Variants in MYOM2 observed in about 807,000 individuals in gnomAD.
MYOM2 encodes the protein myomesin-2.
MYOM2 carries 254 observed loss-of-function variants against 187.6 expected under a neutral mutation model. The observed-to-expected ratio is 1.35, with a 90% CI of 1.22 to 1.50. MYOM2 has a LOEUF of 1.50. MYOM2 is among the 40% of genes most tolerant of loss of function. The pLI is 0.00. For missense variants in MYOM2, 2,796 were observed against 1,924.0 expected (o/e 1.45, Z -8.48); for synonymous variants, 981 against 753.8 (o/e 1.30, Z -4.94).
intron 1 of MYOM2, 150 bp from the exon 2 acceptor site, chr8:2,050,605 G>C: frequency 1.9e-6 from 1 of 539,608 alleles, no homozygotes; most frequent in South Asian, 2.8e-5. Context: ...GGTCTAAGGT[G>C]ATTTCTGGCC....
At chr8:2,106,932 C>T (rs941358205) in intron 23 of MYOM2, among the ~76,000 whole-genome samples, 3 of 152,090 alleles carry the variant, frequency 2.0e-5, no homozygotes, top group Admixed American at 6.5e-5. Context: ...GAGAGACCTA[C>T]GGGTGGAAGA....
chr8:2,129,327 A>G, intron 32 of MYOM2, 95 bp downstream of exon 32: 1 of 729,920 alleles, frequency 1.4e-6, no homozygotes, highest in Admixed American at 2.1e-5. Context: ...ACATCAAGGC[A>G]CTGCCATTTC....
chr8:2,064,354 C>G (rs1458447409), intron 6 of MYOM2, among the ~76,000 whole-genome samples: 5 of 152,220 alleles, frequency 3.3e-5, no homozygotes, highest in Non-Finnish European at 7.3e-5. Flanking sequence ...ACAGCGGGAA[C>G]CATAAACAGA....
intron 27 of MYOM2, 99 bp downstream of exon 27, chr8:2,116,374 C>T (rs1563066459): frequency 8.5e-7 from 1 of 1,170,050 alleles, no homozygotes; most frequent in Non-Finnish European, 1.2e-6. Context: ...CCCAAGCAAC[C>T]CTAAAGGCTG....
At chr8:2,054,885 G>T (rs1421235273) in intron 3 of MYOM2, among the ~76,000 whole-genome samples, 3 of 128,030 alleles carry the variant, frequency 2.3e-5, no homozygotes, top group Non-Finnish European at 5.6e-5. Context: ...CTGGCACCTG[G>T]ATACTGGGGA....
intron 1 of MYOM2, among the ~76,000 whole-genome samples, chr8:2,049,224 A>T (rs1226980287): frequency 6.6e-6 from 1 of 152,142 alleles, no homozygotes; most frequent in Non-Finnish European, 1.5e-5. Flanking sequence ...TTAAGAGGCA[A>T]TATTGAGAGA....
chr8:2,121,583 T>C (rs1379427997), intron 28 of MYOM2, among the ~76,000 whole-genome samples: 1 of 152,226 alleles, frequency 6.6e-6, no homozygotes, highest in Admixed American at 6.5e-5. Flanking sequence ...GTGCACCATT[T>C]TGTCTACAGG....
intron 9 of MYOM2, 121 bp from the exon 10 acceptor site, chr8:2,073,218 C>G (rs1819295270): frequency 1.8e-6 from 2 of 1,103,622 alleles, no homozygotes; most frequent in Non-Finnish European, 2.6e-6. Context: ...GAGGCTCTGC[C>G]TTCCGTGGTG....
rs148242506 is a variant in MYOM2, at chr8:2,069,456, G to A, written c.752G>A (p.Gly251Glu). 6.2e-7 allele frequency: 1 copy of A among 1,614,098 alleles called. No homozygotes were observed. The highest frequency in any genetic ancestry group is 1.3e-5 in the African/African-American group (1 of 74,932). Reference protein sequence around the residue: ...NAAVVVRRFRGDEEPFRSVGL... With the variant: ...NAAVVVRRFREDEEPFRSVGL... The stretch of plus-strand genomic sequence containing the variant: ...CTTTGCTGTCTTGCAGGGTTCCGGG[G>A]AGACGAGGAACCATTCCGTTCGGTG... The change falls in exon 8 of 37, where the codon GGA (glycine) becomes GAA (glutamate). Residue 251 changes from glycine (G) to glutamate (E), a missense_variant. Transcript: ENST00000262113.
chr8:2,134,997 C>G (rs62480002), intron 32 of MYOM2, among the ~76,000 whole-genome samples: 2 of 152,266 alleles, frequency 1.3e-5, no homozygotes, highest in Middle Eastern at 3.4e-3. Flanking sequence ...CACACACTCG[C>G]TCATCCGTGT....
At chr8:2,102,975 G>C (rs1459616206) in intron 21 of MYOM2, among the ~76,000 whole-genome samples, 194 bp downstream of exon 21, 1 of 151,972 alleles carries the variant, frequency 6.6e-6, no homozygotes, top group Non-Finnish European at 1.5e-5. Flanking sequence ...GTATGTATGG[G>C]TATGTGGATA....
chr8:2,058,505 G>A (rs892548590), intron 5 of MYOM2, among the ~76,000 whole-genome samples: 3 of 152,196 alleles, frequency 2.0e-5, no homozygotes, highest in Non-Finnish European at 2.9e-5. Context: ...TGAAGCTGTG[G>A]TAATTGAAGA....
intron 11 of MYOM2, among the ~76,000 whole-genome samples, chr8:2,078,297 C>A (rs1005942229): frequency 6.6e-6 from 1 of 152,148 alleles, no homozygotes; most frequent in Non-Finnish European, 1.5e-5. Context: ...GGGACGGGAG[C>A]TGGAGGCAGA....
chr8:2,079,767 A>G (rs1819559168), intron 13 of MYOM2, among the ~76,000 whole-genome samples, 154 bp downstream of exon 13: 1 of 152,148 alleles, frequency 6.6e-6, no homozygotes, highest in African/African-American at 2.4e-5. Flanking sequence ...CCCAGTGTCC[A>G]TAGAAGTTAA....
chr8:2,093,933 G>A, intron 16 of MYOM2, 37 bp from the exon 17 acceptor site: 1 of 1,599,770 alleles, frequency 6.3e-7, no homozygotes, highest in Non-Finnish European at 8.5e-7. Flanking sequence ...AAAAAGTGGA[G>A]CCTGGCAGTT....
rs142069827 is a variant in MYOM2 at position 2,094,084 on chromosome 8, C to T, written c.2118C>T (p.Ala706=). The change falls in exon 17 of 37, where the codon GCC becomes GCT. Residue 706 remains alanine, a synonymous_variant. Coordinates refer to ENST00000262113, the MANE Select transcript of MYOM2 (RefSeq NM_003970.4). The stretch of plus-strand genomic sequence containing the variant: ...AATCAGACGTCATAAAAGTGCAGGC[C>T]GCACTCAGTAAGTCACTCACAGGCT... The part of the protein sequence containing the change: ...SQESDVIKVQ[A]ALTVPSHPYG... 104 of 1,613,936 alleles carry T rather than the reference C, an allele frequency of 6.4e-5. 1 individual carries two copies. Among genetic ancestry groups the T allele is most frequent in the Admixed American group, 3.0e-4 (18 of 60,004 alleles).
chr8:2,130,715 T>G lies in MYOM2; in HGVS notation c.3800+1483T>G, dbSNP rs117875795. Among the ~76,000 whole-genome samples, 715 of 152,360 alleles carry G rather than the reference T, an allele frequency of 4.7e-3. 13 individuals are homozygous for G. The highest frequency in any genetic ancestry group is 0.044 in the East Asian group (228 of 5,184). ...TATTCAAACTCAAATGGAGTCACTG[T>G]AGATCCCATGTTAAGGGATTTGTTA... On this transcript the variant is annotated intron_variant, in intron 32 of 36. Transcript: ENST00000262113.
chr8:2,061,066 G>C (rs1585833066), intron 6 of MYOM2, among the ~76,000 whole-genome samples: 1 of 152,156 alleles, frequency 6.6e-6, no homozygotes, highest in East Asian at 1.9e-4. Flanking sequence ...GAGCCCATCT[G>C]CTATCGAGGG....
At chr8:2,120,680 T>TATATAATATA in intron 28 of MYOM2, among the ~76,000 whole-genome samples, 6 of 48,298 alleles carry the variant, frequency 1.2e-4, no homozygotes, top group Non-Finnish European at 2.5e-4. Flanking sequence ...ATATATTATA[T>TATATAATATA]TATATATAAA....
Sources: allele counts gnomAD v4.1 joint callset (sites outside exome capture counted in the v4.1 genomes callset), GRCh38; gene constraint gnomAD v4.1.1; transcripts MANE v1.5; gene names NCBI Gene and HGNC (gene_info 2026-07-23, HGNC 2026-07-21).